The following SYMPK variants were observed in gnomAD, a reference collection of about 807,000 sequenced individuals.
SYMPK encodes the protein symplekin scaffold protein.
SYMPK carries 49 observed loss-of-function variants against 136.4 expected under a neutral mutation model. That is an observed-to-expected ratio of 0.36 (90% confidence interval 0.29 to 0.46). The LOEUF (loss-of-function observed/expected upper bound fraction) is 0.46. Among genes scored for constraint, SYMPK ranks in the 20% least tolerant of loss-of-function variants. The probability of loss-of-function intolerance (pLI) is 1.00; values close to 1 mark genes in which losing one functional copy is unlikely to be tolerated. For missense variants in SYMPK, 1,365 were observed against 1,690.0 expected, an observed-to-expected ratio of 0.81 and a Z score of 3.37; for synonymous variants, 766 against 713.0, an observed-to-expected ratio of 1.07 and a Z score of -1.19.
At chr19:45,847,475 C>G (rs1971590604) in intron 7 of SYMPK, among the ~76,000 whole-genome samples, 2 of 151,818 alleles carry the variant, frequency 1.3e-5, no homozygotes, top group Non-Finnish European at 2.9e-5. Flanking sequence ...CTGGCTCACA[C>G]TCATGGAACT....
At position 45,831,434 on chromosome 19, in the gene SYMPK, T is replaced by C; in HGVS notation, c.1548A>G (p.Ala516=). The C allele has an allele frequency of 6.2e-7, 1 of 1,604,544 alleles. No homozygotes were observed. Among genetic ancestry groups the C allele is most frequent in the Non-Finnish European group, 8.5e-7 (1 of 1,175,710 alleles). ...GCTCTGGCCTCCTCTTGGCCTGCGG[T>C]GCCTCTTCCTCCAGGGGGGACATGG... The part of the protein sequence containing the change: ...LSSMSPLEEE[A]PQAKRRPEPI... Residue 516 remains alanine (A), a synonymous_variant, in exon 12 of 27, where the codon GCA becomes GCG. Transcript: ENST00000245934.
intron 1 of SYMPK, among the ~76,000 whole-genome samples, chr19:45,856,457 C>T (rs777385053): frequency 2.6e-5 from 4 of 152,034 alleles, no homozygotes; most frequent in Non-Finnish European, 5.9e-5. Flanking sequence ...TTTATGTATA[C>T]GCAGAATGAC....
At chr19:45,862,871 G>T (rs1972007907) in intron 1 of SYMPK, among the ~76,000 whole-genome samples, 187 bp downstream of exon 1, 1 of 152,178 alleles carries the variant, frequency 6.6e-6, no homozygotes, top group Non-Finnish European at 1.5e-5. Context: ...GCGCCCGGGG[G>T]GCCACGTTGG....
Position 45,842,309 on chromosome 19 carries a change from T to C in SYMPK, c.1028A>G (p.Lys343Arg), listed in dbSNP as rs1408388469. 1 of 1,614,216 alleles carries C rather than the reference T, an allele frequency of 6.2e-7. No individual in the cohort carries two copies. Among genetic ancestry groups the C allele is most frequent in the Admixed American group, 1.7e-5 (1 of 60,030 alleles). ...AEIARNMPSS[K>R]DTRKRPRDDS... ...ATCGCGGGGCCGCTTGCGGGTGTCC[T>C]TGCTGCTCGGCATGTTGCGGGCGAT... is the stretch of plus-strand genomic sequence containing the variant. The change falls in exon 9 of 27, where the codon AAG becomes AGG. Residue 343 changes from lysine (K) to arginine (R), a missense_variant. By Grantham distance (26) the Lys-to-Arg change is conservative. Coordinates refer to ENST00000245934, the MANE Select transcript of SYMPK (RefSeq NM_004819.3).
At chr19:45,823,509 G>A (rs374119227) in intron 19 of SYMPK, 37 bp from the exon 20 acceptor site, 36 of 1,595,940 alleles carry the variant, frequency 2.3e-5, no homozygotes, top group Admixed American at 5.0e-5. Flanking sequence ...AGTTGGAGGC[G>A]GAGGGGAGCG....
At position 45,829,047 on chromosome 19, in the gene SYMPK, C is replaced by T. The variant is rs150362520; in HGVS notation, c.1908G>A (p.Ser636=). The T allele has an allele frequency of 3.8e-4, 607 of 1,614,100 alleles. No individual in the cohort carries two copies. Among genetic ancestry groups the T allele is most frequent in the Middle Eastern group, 1.3e-3 (8 of 6,062 alleles). The change falls in exon 14 of 27, where the codon TCG becomes TCA. Residue 636 remains serine (S), a synonymous_variant. Transcript: ENST00000245934. The part of the protein sequence containing the change: ...EYNAYLAAGA[S]GSLDKYEDCL... ...AGTCCTCATACTTGTCCAGGGAGCC[C>T]GAGGCACCTGCGGCCAGGTAGGCGT...
At position 45,815,954 on chromosome 19, in the gene SYMPK, CCCT is replaced by C. The variant is rs1970722475; in HGVS notation, c.3581_3583del (p.Glu1194del). Reference sequence around the variant, plus strand: ...GATGCCCGGGGTCTCGCACTCAGGCCCCTCCTCCCGGAAATCCATGGCTTCCTC... The same window carrying C: ...GATGCCCGGGGTCTCGCACTCAGGCCCCTCCCGGAAATCCATGGCTTCCTC... On this transcript the variant is annotated inframe_deletion, in exon 26 of 27. Transcript: ENST00000245934. 6.2e-7 allele frequency: 1 copy of C among 1,611,078 alleles called. No homozygotes were observed. The highest frequency in any genetic ancestry group is 8.5e-7 in the Non-Finnish European group (1 of 1,179,490).
chr19:45,823,697 G>A, intron 19 of SYMPK, 70 bp downstream of exon 19: 3 of 1,390,122 alleles, frequency 2.2e-6, no homozygotes, highest in Non-Finnish European at 3.0e-6. Flanking sequence ...CAGCAGCTCA[G>A]ATCCCCAGGG....
At chr19:45,859,735 C>T (rs565997201) in intron 1 of SYMPK, among the ~76,000 whole-genome samples, 1 of 151,738 alleles carries the variant, frequency 6.6e-6, no homozygotes, top group East Asian at 1.9e-4. Context: ...TCAGGACTAG[C>T]CTAGGCCTAA....
At position 45,842,508 on chromosome 19, in the gene SYMPK, G is replaced by C; in HGVS notation, c.848-19C>G. The stretch of plus-strand genomic sequence containing the variant: ...AGGTTGGCTGTGAGGAAAGTGGCAG[G>C]AGCTGTGTCTTGTGGAAGATCTCAT... On this transcript the variant is annotated intron_variant, in intron 8 of 26. Transcript: ENST00000245934. 7 of 1,602,990 alleles carry C rather than the reference G, an allele frequency of 4.4e-6. No homozygotes were observed. Among genetic ancestry groups the C allele is most frequent in the Non-Finnish European group, 6.0e-6 (7 of 1,173,012 alleles).
At position 45,827,653 on chromosome 19, in the gene SYMPK, A is replaced by G. The variant is rs149797893; in HGVS notation, c.2068-30T>C. 8.2e-4 allele frequency: 1,304 copies of G among 1,592,830 alleles called. 11 individuals are homozygous for G. The East Asian group carries it at 0.018, about 22-fold the overall frequency. On this transcript the variant is annotated intron_variant, in intron 15 of 26. Transcript: ENST00000245934. ...AGCAAAAGGAAAGGGACCCGAGCTC[A>G]GCCCACCTGAGTGTGCCTCTGGGCT...
At chr19:45,860,345 C>G (rs767126785) in intron 1 of SYMPK, among the ~76,000 whole-genome samples, 4 of 151,814 alleles carry the variant, frequency 2.6e-5, no homozygotes, top group Admixed American at 6.6e-5. Context: ...GTAATCCTAG[C>G]TACTCGGGAG....
chr19:45,829,935 C>G, intron 13 of SYMPK, 119 bp downstream of exon 13: 15 of 1,204,994 alleles, frequency 1.2e-5, no homozygotes, highest in Non-Finnish European at 1.5e-5. Flanking sequence ...CTGTGGGCAG[C>G]AGAGCTGGGG....
chr19:45,816,363 C>T, intron 25 of SYMPK, 119 bp downstream of exon 25: 1 of 1,382,928 alleles, frequency 7.2e-7, no homozygotes, highest in Non-Finnish European at 9.6e-7. Flanking sequence ...GACGGGTGGC[C>T]CAGAGGCAGG....
At position 45,844,142 on chromosome 19, in the gene SYMPK, G is replaced by A. The variant is rs781225936; in HGVS notation, c.735C>T (p.His245=). The A allele has an allele frequency of 6.2e-7, 1 of 1,612,378 alleles. No individual in the cohort carries two copies. Among genetic ancestry groups the A allele is most frequent in the Non-Finnish European group, 8.5e-7 (1 of 1,179,332 alleles). The change falls in exon 8 of 27, where the codon CAC becomes CAT. Residue 245 remains histidine, a synonymous_variant. Transcript: ENST00000245934. ...ALEQLLKFMV[H]PAISSINLTT... is the part of the protein sequence containing the mutation. ...TCAGGTTGATGGAGGAGATGGCAGG[G>A]TGCACCATGAACTTAAGCAGCTGCT...
chr19:45,844,303 A>G (rs968653589), intron 7 of SYMPK, 103 bp from the exon 8 acceptor site: 8 of 864,308 alleles, frequency 9.3e-6, no homozygotes, highest in Admixed American at 8.8e-5. Flanking sequence ...TGGTACCTAG[A>G]TGTCTATGAA....
At position 45,821,759 on chromosome 19, in the gene SYMPK, G is replaced by A. The variant is rs974819804; in HGVS notation, c.2792-274C>T. 3.3e-5 allele frequency among the ~76,000 whole-genome samples: 5 copies of A among 152,210 alleles called. No homozygotes were observed. Among genetic ancestry groups the A allele is most frequent in the African/African-American group, 1.2e-4 (5 of 41,456 alleles). On this transcript the variant is annotated intron_variant, in intron 21 of 26. Coordinates refer to ENST00000245934, the MANE Select transcript of SYMPK (RefSeq NM_004819.3). The surrounding 1 kb of genome is among the most constrained non-coding windows in gnomAD (Gnocchi z 4.4). ...CACGGCTGGGTCTCTCTGCCCCTGG[G>A]CTGTGCACCCCCGAGGGCAGGGTAG...
At chr19:45,838,944 TGGCATGATTTC>T (rs1971371230) in intron 9 of SYMPK, among the ~76,000 whole-genome samples, 1 of 152,236 alleles carries the variant, frequency 6.6e-6, no homozygotes, top group Non-Finnish European at 1.5e-5. Flanking sequence ...TGCAGTACAA[TGGCATGATTTC>T]GGCTCATTGT....
intron 19 of SYMPK, 54 bp from the exon 20 acceptor site, chr19:45,823,526 AG>A (rs529352439): frequency 0.011 from 17,431 of 1,546,510 alleles, 118 homozygotes; most frequent in Non-Finnish European, 0.013. Flanking sequence ...AGCGTGGGAA[AG>A]GGTGGGCACC....
Sources: allele counts gnomAD v4.1 joint callset (sites outside exome capture counted in the v4.1 genomes callset), GRCh38; gene constraint gnomAD v4.1.1; non-coding constraint Gnocchi (gnomAD v3.1); transcripts MANE v1.5; gene names NCBI Gene and HGNC (gene_info 2026-07-23, HGNC 2026-07-21).